The following NTM variants were observed in gnomAD, a reference collection of about 807,000 sequenced individuals.
The protein encoded by NTM is IgLON family member 2.
Under a neutral mutation model 42.1 loss-of-function variants are expected in NTM, and 13 were observed. The ratio of observed to expected loss-of-function variants is 0.31; its 90% CI spans 0.20 to 0.49. The LOEUF (loss-of-function observed/expected upper bound fraction) is 0.49, where lower values mean the gene tolerates loss of function less well. Ranked by LOEUF, NTM falls within the 20% of genes least tolerant of loss-of-function variation. The pLI is 0.99. For missense variants in NTM, 373 were observed against 452.8 expected, an observed-to-expected ratio of 0.82 and a Z score of 1.60; for synonymous variants, 187 against 179.2, an observed-to-expected ratio of 1.04 and a Z score of -0.35.
intron 2 of NTM, among the ~76,000 whole-genome samples, chr11:132,137,015 A>T (rs910743501): frequency 6.6e-6 from 1 of 152,178 alleles, no homozygotes; most frequent in Non-Finnish European, 1.5e-5. Flanking sequence ...GCTAATCTAT[A>T]CTGTTCTTCC....
chr11:132,074,227 C>T (rs898063091), intron 2 of NTM, among the ~76,000 whole-genome samples: 2 of 152,208 alleles, frequency 1.3e-5, no homozygotes, highest in African/African-American at 4.8e-5. Context: ...GACTGACTTA[C>T]AGGCCATTGG....
chr11:131,552,482 GC>G (rs150542749), intron 1 of NTM, among the ~76,000 whole-genome samples: 9,814 of 149,718 alleles, frequency 0.066, 378 homozygotes, highest in Middle Eastern at 0.11. Flanking sequence ...TCCAGCCTGG[GC>G]GACAGAGCGA....
intron 8 of NTM, among the ~76,000 whole-genome samples, chr11:132,331,179 C>T (rs1212473860): frequency 6.6e-6 from 1 of 152,204 alleles, no homozygotes; most frequent in Non-Finnish European, 1.5e-5. Flanking sequence ...CATTTGAAGA[C>T]AGAAGTCAAG....
At chr11:131,422,276 C>T (rs932933645) in intron 1 of NTM, among the ~76,000 whole-genome samples, 4 of 152,184 alleles carry the variant, frequency 2.6e-5, no homozygotes, top group Non-Finnish European at 5.9e-5. Flanking sequence ...CTGCTGCCTG[C>T]CTTCTTCCTC....
At chr11:131,961,187 A>G (rs1014287247) in intron 2 of NTM, among the ~76,000 whole-genome samples, 2 of 152,162 alleles carry the variant, frequency 1.3e-5, no homozygotes, top group Non-Finnish European at 2.9e-5. Context: ...TCAAGCAGAA[A>G]TCCTGAATTT....
intron 1 of NTM, among the ~76,000 whole-genome samples, chr11:131,449,346 G>A (rs936184144): frequency 6.6e-6 from 1 of 152,168 alleles, no homozygotes; most frequent in East Asian, 1.9e-4. Context: ...GGAGGTGGGG[G>A]CTTACATTCC....
chr11:131,626,082 A>C (rs2063075767), intron 1 of NTM, among the ~76,000 whole-genome samples: 1 of 152,144 alleles, frequency 6.6e-6, no homozygotes, highest in South Asian at 2.1e-4. Flanking sequence ...GGGATGAGAT[A>C]AATTCAATTT....
At chr11:131,744,493 T>G (rs1032849830) in intron 1 of NTM, among the ~76,000 whole-genome samples, 1 of 152,120 alleles carries the variant, frequency 6.6e-6, no homozygotes, top group African/African-American at 2.4e-5. Context: ...GGGGAAAGTA[T>G]CTCCCAATTT....
chr11:131,488,545 G>A (rs1206887515), intron 1 of NTM, among the ~76,000 whole-genome samples: 2 of 152,172 alleles, frequency 1.3e-5, no homozygotes, highest in African/African-American at 2.4e-5. Context: ...TTGCAGCCCA[G>A]CCCAGATTCA....
chr11:131,703,244 A>G (rs1261122219), intron 1 of NTM, among the ~76,000 whole-genome samples: 1 of 152,232 alleles, frequency 6.6e-6, no homozygotes, highest in Non-Finnish European at 1.5e-5. Flanking sequence ...CAAAGAGATG[A>G]TAAACATTTT....
At chr11:131,810,555 T>C (rs1014877607) in intron 1 of NTM, among the ~76,000 whole-genome samples, 1 of 152,192 alleles carries the variant, frequency 6.6e-6, no homozygotes, top group Non-Finnish European at 1.5e-5. Context: ...GCAGGTACCA[T>C]GCTTGTGTCT....
intron 1 of NTM, among the ~76,000 whole-genome samples, chr11:131,672,634 A>G (rs2070539456): frequency 6.6e-6 from 1 of 152,090 alleles, no homozygotes; most frequent in South Asian, 2.1e-4. Context: ...ATGTTTATTC[A>G]TATATATATT....
intron 1 of NTM, among the ~76,000 whole-genome samples, chr11:131,688,194 C>T (rs2074165641): frequency 6.6e-6 from 1 of 152,132 alleles, no homozygotes; most frequent in South Asian, 2.1e-4. Flanking sequence ...CCCCGAGCCG[C>T]GAGGCTGCCT....
At position 132,137,478 on chromosome 11, in the gene NTM, G is replaced by A. The variant is rs141504983; in HGVS notation, c.168-8804G>A. On this transcript the variant is annotated intron_variant, in intron 2 of 8. Coordinates refer to ENST00000683400, the MANE Select transcript of NTM (RefSeq NM_001352005.2). ...CTGCTCTTTGTCTTCAGGATAAAAT[G>A]CAGACTCTTTCTTTCACGAGGGCTT... is the stretch of plus-strand genomic sequence containing the variant. Among the ~76,000 whole-genome samples the A allele has an allele frequency of 8.5e-5, 13 of 152,344 alleles. No homozygotes were observed. In the South Asian group the frequency reaches 1.7e-3, roughly 19 times the overall value.
intron 2 of NTM, among the ~76,000 whole-genome samples, chr11:131,970,122 A>G (rs1346711760): frequency 6.6e-6 from 1 of 152,212 alleles, no homozygotes; most frequent in Non-Finnish European, 1.5e-5. Context: ...TAATTCTTAT[A>G]TAAAGGCAAT....
At chr11:131,654,468 A>G (rs577500277) in intron 1 of NTM, among the ~76,000 whole-genome samples, 1 of 152,044 alleles carries the variant, frequency 6.6e-6, no homozygotes, top group African/African-American at 2.4e-5. Flanking sequence ...TCAGGGTTCC[A>G]TCTAATGCAG....
chr11:132,234,385 A>T (rs2088305785), intron 4 of NTM, among the ~76,000 whole-genome samples: 1 of 152,058 alleles, frequency 6.6e-6, no homozygotes. Context: ...CATACTCCTT[A>T]TCTCTGCTGG....
chr11:131,611,169 C>A (rs1281813831), intron 1 of NTM, among the ~76,000 whole-genome samples: 1 of 152,068 alleles, frequency 6.6e-6, no homozygotes, highest in African/African-American at 2.4e-5. Flanking sequence ...TTAGCCTTTG[C>A]ACCTGAGGAG....
intron 1 of NTM, among the ~76,000 whole-genome samples, chr11:131,376,735 A>C (rs1365167456): frequency 6.6e-6 from 1 of 151,064 alleles, no homozygotes; most frequent in Non-Finnish European, 1.5e-5. Flanking sequence ...TGATCAAAAG[A>C]CTGCTGGTTT....
Sources: gnomAD v4.1 joint callset for allele counts (sites outside exome capture counted in the v4.1 genomes callset) on GRCh38, gnomAD v4.1.1 for gene constraint, MANE v1.5 for transcripts, NCBI Gene and HGNC (gene_info 2026-07-23, HGNC 2026-07-21) for gene names.